PSG11: variants seen among roughly 807,000 people sequenced by gnomAD.
PSG11 encodes the protein pregnancy specific beta-1-glycoprotein 11.
Under a neutral mutation model 36.0 loss-of-function variants are expected in PSG11, and 42 were observed. The ratio of observed to expected loss-of-function variants is 1.17; its 90% confidence interval spans 0.91 to 1.51. The LOEUF (loss-of-function observed/expected upper bound fraction) is 1.51. Ranked by LOEUF, PSG11 falls within the 40% of genes most tolerant of loss-of-function variation. The pLI, the probability that PSG11 is intolerant of heterozygous loss-of-function variation, is 0.00. For missense variants in PSG11, 558 were observed against 403.5 expected (o/e 1.38, Z -3.28); for synonymous variants, 206 against 153.5 (o/e 1.34, Z -2.53).
intron 2 of PSG11, chr19:43,019,749 C>G (rs535799621): frequency 1.3e-5 from 2 of 152,292 alleles, no homozygotes; most frequent in African/African-American, 4.9e-5. Context: ...GAGCTGATAG[C>G]TTTGAACCAA....
intron 2 of PSG11, among the ~76,000 whole-genome samples, chr19:43,022,688 C>T (rs1176374408): frequency 6.6e-6 from 1 of 151,198 alleles, no homozygotes; most frequent in Non-Finnish European, 1.5e-5. Context: ...ATCCCTGTCC[C>T]ATGGTCTTGT....
At chr19:43,008,857 C>T (rs1973998773) in intron 5 of PSG11, among the ~76,000 whole-genome samples, 1 of 151,086 alleles carries the variant, frequency 6.6e-6, no homozygotes, top group Non-Finnish European at 1.5e-5. Context: ...CTACCTATTG[C>T]AACAAGAGTT....
At chr19:43,015,776 T>C (rs1362241578) in intron 3 of PSG11, 1 of 1,610,288 alleles carries the variant, frequency 6.2e-7, no homozygotes, top group African/African-American at 1.3e-5. Flanking sequence ...CAGAGGACAT[T>C]CAGGGTGACT....
intron 3 of PSG11, chr19:43,015,936 C>T (rs1224450728): frequency 1.2e-6 from 2 of 1,609,908 alleles, no homozygotes; most frequent in East Asian, 2.2e-5. Flanking sequence ...AATTTAGCCA[C>T]CAAATGTAGG....
At chr19:43,013,907 T>G (rs139002845) in intron 4 of PSG11, among the ~76,000 whole-genome samples, 4,457 of 151,338 alleles carry the variant, frequency 0.029, 197 homozygotes, top group Non-Finnish European at 0.04. Flanking sequence ...GCAAAGGAGG[T>G]GTATCTATAC....
intron 2 of PSG11, among the ~76,000 whole-genome samples, chr19:43,024,185 C>A (rs1489310539): frequency 8.6e-5 from 13 of 151,372 alleles, no homozygotes; most frequent in Admixed American, 6.6e-4. Context: ...GAGACACAGT[C>A]CTCAGACAGC....
Position 43,015,224 on chromosome 19 carries a change from G to A in PSG11, c.856C>T (p.Leu286Phe). 2 of 1,611,532 alleles carry A rather than the reference G, an allele frequency of 1.2e-6. No individual in the cohort carries two copies. The highest frequency in any genetic ancestry group is 1.7e-6 in the Non-Finnish European group (2 of 1,178,536). ...NGKFQLSGQK[L>F]FIPQITPKHN... ...TTTGGAGTAATCTGAGGGATAAAGA[G>A]CTTTTGTCCTGATAGCTGAAACTTC... is the stretch of plus-strand genomic sequence containing the variant. The change falls in exon 4 of 6, where the codon CTC (leucine) becomes TTC (phenylalanine). Residue 286 changes from leucine to phenylalanine, a missense_variant. Leu to Phe is a conservative substitution (Grantham distance 22). Coordinates refer to ENST00000320078, the MANE Select transcript of PSG11 (RefSeq NM_002785.3).
intron 2 of PSG11, among the ~76,000 whole-genome samples, chr19:43,021,403 G>A (rs1348889891): frequency 6.6e-6 from 1 of 151,204 alleles, no homozygotes; most frequent in Non-Finnish European, 1.5e-5. Flanking sequence ...CCAGGCTGGA[G>A]TGCAGTGGCA....
rs142012351 is a variant in PSG11, at chr19:43,018,187, C to G, written c.709+583G>C. ...GAGTTATGGATGAAACAGACATAGA[C>G]CCCTCTATATGTTTTAGTGATTTGG... is the stretch of plus-strand genomic sequence containing the variant. On this transcript the variant is annotated intron_variant, in intron 3 of 5. Coordinates refer to ENST00000320078, the MANE Select transcript of PSG11 (RefSeq NM_002785.3). Among the ~76,000 whole-genome samples, 6 of 151,180 alleles carry G rather than the reference C, an allele frequency of 4.0e-5. 1 individual carries two copies. The highest frequency in any genetic ancestry group is 2.1e-4 in the South Asian group (1 of 4,772).
Position 43,007,848 on chromosome 19 carries a change from T to A in PSG11, c.*235A>T. On this transcript the variant is annotated 3_prime_UTR_variant, in exon 6 of 6. Coordinates refer to ENST00000320078, the MANE Select transcript of PSG11 (RefSeq NM_002785.3). ...TTCAAAAAATCAGCACATTTTCCAA[T>A]AAAAAATTATGAAAACATTATCCTT... 1 of 320,970 alleles carries A rather than the reference T, an allele frequency of 3.1e-6. No individual in the cohort carries two copies. 19.9% of individuals were successfully genotyped at this position (320,970 alleles called of 1,614,324 possible).
intron 3 of PSG11, chr19:43,015,809 A>C: frequency 3.1e-6 from 5 of 1,610,266 alleles, no homozygotes; most frequent in Non-Finnish European, 4.2e-6. Context: ...ATGCCACCAT[A>C]TCGGTCCCGT....
intron 1 of PSG11, 65 bp from the exon 2 acceptor site, chr19:43,025,121 C>T (rs1025800187): frequency 1.2e-5 from 18 of 1,554,088 alleles, no homozygotes; most frequent in Non-Finnish European, 1.5e-5. Flanking sequence ...AGATGGGGCC[C>T]TGAGTCCTGA....
chr19:43,008,353 A>G (rs1034423879), intron 5 of PSG11, among the ~76,000 whole-genome samples: 1 of 151,196 alleles, frequency 6.6e-6, no homozygotes, highest in African/African-American at 2.4e-5. Context: ...GTTCACTGCA[A>G]GCTCTGCCTC....
rs148360886 is a variant in PSG11 at position 43,023,926 on chromosome 19, C to T, written c.430+765G>A. 4.4e-3 allele frequency among the ~76,000 whole-genome samples: 668 copies of T among 151,594 alleles called. 28 individuals carry two copies. The highest frequency in any genetic ancestry group is 0.015 in the African/African-American group (631 of 41,158). On this transcript the variant is annotated intron_variant, in intron 2 of 5. Coordinates refer to ENST00000320078, the MANE Select transcript of PSG11 (RefSeq NM_002785.3). ...AGCAGCATTTATTATTAATTTGCTT[C>T]CATGAGAAAGCACCTTTACGTCAGA... is the stretch of plus-strand genomic sequence containing the variant.
intron 4 of PSG11, chr19:43,010,470 A>C: frequency 8.4e-7 from 1 of 1,192,158 alleles, no homozygotes; most frequent in Admixed American, 2.2e-5. Flanking sequence ...CAAATTCACC[A>C]CCTCCTTTGC....
intron 5 of PSG11, 51 bp downstream of exon 5, chr19:43,009,907 G>A: frequency 9.3e-6 from 13 of 1,392,586 alleles, no homozygotes; most frequent in South Asian, 5.9e-5. Context: ...CCTCTCCCAA[G>A]CATGGCAGTC....
chr19:43,025,101 T>C, intron 1 of PSG11, 45 bp from the exon 2 acceptor site: 1 of 1,577,368 alleles, frequency 6.3e-7, no homozygotes, highest in Non-Finnish European at 8.6e-7. Flanking sequence ...ACCTATGTAT[T>C]GGGGTGAAAA....
rs965933872 is a variant in PSG11 at position 43,008,658 on chromosome 19, T to C, written c.*41-616A>G. Reference sequence around the variant, plus strand: ...ACTTATCCCTTATTTGAAAATGCTTTCTATATAATGTAATATATAAAATAA... The same window carrying C: ...ACTTATCCCTTATTTGAAAATGCTTCCTATATAATGTAATATATAAAATAA... On this transcript the variant is annotated intron_variant, in intron 5 of 5. Transcript: ENST00000320078. Among the ~76,000 whole-genome samples the C allele has an allele frequency of 4.6e-5, 7 of 151,360 alleles. 1 individual carries two copies. Among genetic ancestry groups the C allele is most frequent in the African/African-American group, 1.7e-4 (7 of 41,054 alleles).
chr19:43,021,756 A>G (rs1335589238), intron 2 of PSG11, among the ~76,000 whole-genome samples: 1 of 151,524 alleles, frequency 6.6e-6, no homozygotes, highest in Non-Finnish European at 1.5e-5. Flanking sequence ...ACACGAAGCC[A>G]GAAGTCTCTA....
Sources: gnomAD v4.1 joint callset for allele counts (sites outside exome capture counted in the v4.1 genomes callset) on GRCh38, gnomAD v4.1.1 for gene constraint, MANE v1.5 for transcripts, NCBI Gene and HGNC (gene_info 2026-07-23, HGNC 2026-07-21) for gene names.